Variants in MTMR14 observed in about 807,000 individuals in gnomAD.
MTMR14 encodes the protein phosphatidylinositol-3,5-bisphosphate 3-phosphatase MTMR14.
A neutral mutation model predicts 86.3 loss-of-function variants in MTMR14; 48 were observed. The ratio of observed to expected loss-of-function variants is 0.56; its 90% CI spans 0.44 to 0.71. The LOEUF (loss-of-function observed/expected upper bound fraction) is 0.71, where lower values mean the gene tolerates loss of function less well. MTMR14 is among the 30% of genes least tolerant of loss of function. The probability of loss-of-function intolerance (pLI) is 0.00; values close to 1 mark genes in which losing one functional copy is unlikely to be tolerated. For synonymous variants in MTMR14, 366 were observed against 326.1 expected (o/e 1.12, Z -1.32); for missense variants, 780 against 834.6 (o/e 0.93, Z 0.81).
chr3:9,668,246 T>C (rs1257857763), intron 3 of MTMR14, among the ~76,000 whole-genome samples: 1 of 152,176 alleles, frequency 6.6e-6, no homozygotes, highest in Non-Finnish European at 1.5e-5. Context: ...AGTAAGCACA[T>C]AGAGGTCAGT....
chr3:9,674,461 C>T (rs1304594192), intron 7 of MTMR14, among the ~76,000 whole-genome samples: 1 of 152,142 alleles, frequency 6.6e-6, no homozygotes, highest in East Asian at 1.9e-4. Context: ...TGGCACATCC[C>T]TCAGTAGAAT....
Position 9,649,738 on chromosome 3 carries a change from C to T in MTMR14, c.155C>T (p.Ser52Phe). 1 of 1,613,200 alleles carries T rather than the reference C, an allele frequency of 6.2e-7. No individual in the cohort carries two copies. Among genetic ancestry groups the T allele is most frequent in the African/African-American group, 1.3e-5 (1 of 74,856 alleles). Residue 52 changes from serine to phenylalanine, a missense_variant, in exon 1 of 19, where the codon TCT (serine) becomes TTT (phenylalanine). Coordinates refer to ENST00000296003, the MANE Select transcript of MTMR14 (RefSeq NM_001077525.3). ...RAKDGSGTGG[S>F]KVERIEKRCL... ...AAGGATGGCAGCGGGACCGGCGGCT[C>T]TAAGGTGAGATTGGAGGTGCGATGA...
rs183397040 is a variant in MTMR14 at position 9,668,695 on chromosome 3, G to A, written c.418-24G>A. On this transcript the variant is annotated intron_variant, in intron 3 of 18. Transcript: ENST00000296003. ...GCATGCTTCAGAAAACCATCTGACC[G>A]TGAAAATGATGTTTCTCTCCCAGCA... 1.2e-3 allele frequency: 1,914 copies of A among 1,613,220 alleles called. 11 individuals are homozygous for A. The Middle Eastern group carries it at 0.021, about 18-fold the overall frequency.
chr3:9,695,639 C>G (rs957802148), intron 17 of MTMR14, among the ~76,000 whole-genome samples: 1 of 152,228 alleles, frequency 6.6e-6, no homozygotes, highest in Non-Finnish European at 1.5e-5. Context: ...CAGTGTTACT[C>G]TTTGGCTCTT....
At chr3:9,652,193 G>A (rs1301815404) in intron 1 of MTMR14, among the ~76,000 whole-genome samples, 1 of 151,938 alleles carries the variant, frequency 6.6e-6, no homozygotes, top group Non-Finnish European at 1.5e-5. Context: ...TCAAGCTCCT[G>A]ATCAGAAGTG....
intron 18 of MTMR14, chr3:9,700,158 G>C (rs1316551344): frequency 6.6e-6 from 1 of 152,142 alleles, no homozygotes; most frequent in Non-Finnish European, 1.5e-5. Flanking sequence ...ACATCCCTCT[G>C]CTCCCACAAG....
chr3:9,669,177 A>G (rs2125114207), intron 4 of MTMR14, among the ~76,000 whole-genome samples: 1 of 151,498 alleles, frequency 6.6e-6, no homozygotes, highest in East Asian at 1.9e-4. Context: ...CATGACCACA[A>G]TAGTATAGGT....
chr3:9,683,073 C>T (rs953462011), intron 9 of MTMR14, 105 bp from the exon 10 acceptor site: 3 of 1,012,572 alleles, frequency 3.0e-6, no homozygotes, highest in Non-Finnish European at 4.5e-6. Flanking sequence ...AACCAAGGAC[C>T]TTGTGTAGTT....
At chr3:9,696,601 C>T (rs2125392335) in intron 17 of MTMR14, among the ~76,000 whole-genome samples, 1 of 152,334 alleles carries the variant, frequency 6.6e-6, no homozygotes, top group Non-Finnish European at 1.5e-5. Context: ...TAAGGATTGC[C>T]AGAGTTGCAG....
intron 5 of MTMR14, among the ~76,000 whole-genome samples, chr3:9,670,038 G>A (rs1294984302): frequency 6.6e-6 from 1 of 152,192 alleles, no homozygotes; most frequent in Non-Finnish European, 1.5e-5. Flanking sequence ...AGGAGGAAAT[G>A]GGCTGGTTCA....
chr3:9,649,878 T>C, intron 1 of MTMR14, 136 bp downstream of exon 1: 1 of 1,531,432 alleles, frequency 6.5e-7, no homozygotes, highest in Non-Finnish European at 8.8e-7. Context: ...AGAGGAGTTC[T>C]CCAGGGTCTG....
Position 9,694,402 on chromosome 3 carries a change from G to A in MTMR14, c.1614-3309G>A, listed in dbSNP as rs531209600. On this transcript the variant is annotated intron_variant, in intron 17 of 18. Coordinates refer to ENST00000296003, the MANE Select transcript of MTMR14 (RefSeq NM_001077525.3). ...TCATGTCTGTAATCCAGCACTTTGG[G>A]AGGCCAAGGTCAGAGAATCGTTTGA... 2.0e-5 allele frequency among the ~76,000 whole-genome samples: 3 copies of A among 152,298 alleles called. No individual in the cohort carries two copies. In the South Asian group the frequency reaches 6.2e-4, roughly 32 times the overall value.
chr3:9,649,598 G>A lies in MTMR14; in HGVS notation c.15G>A (p.Arg5=). 1 of 1,546,124 alleles carries A rather than the reference G, an allele frequency of 6.5e-7. No individual in the cohort carries two copies. The highest frequency in any genetic ancestry group is 1.2e-5 in the South Asian group (1 of 83,958). The change falls in exon 1 of 19, where the codon CGG becomes CGA. Residue 5 remains arginine, a synonymous_variant. Coordinates refer to ENST00000296003, the MANE Select transcript of MTMR14 (RefSeq NM_001077525.3). MAGA[R]AAAAAASAGS... ...GGGGCTGGGCCATGGCCGGCGCTCG[G>A]GCCGCCGCCGCCGCTGCCTCGGCGG...
chr3:9,652,501 C>A (rs139190978), intron 1 of MTMR14, among the ~76,000 whole-genome samples: 15 of 152,238 alleles, frequency 9.9e-5, no homozygotes, highest in Admixed American at 2.6e-4. Context: ...GCGTGTAATC[C>A]TAGCACTTTG....
chr3:9,656,083 T>C (rs2047585331), intron 2 of MTMR14, among the ~76,000 whole-genome samples: 1 of 152,014 alleles, frequency 6.6e-6, no homozygotes, highest in Admixed American at 6.6e-5. Flanking sequence ...TAATCCCAGC[T>C]ACTCGGGAGG....
At chr3:9,700,110 C>G (rs2076406851) in intron 18 of MTMR14, 2 of 152,236 alleles carry the variant, frequency 1.3e-5, no homozygotes, top group African/African-American at 4.8e-5. Context: ...CTGTCTATCT[C>G]CCCCCATACT....
chr3:9,678,052 G>T lies in MTMR14; in HGVS notation c.891G>T (p.Gln297His). 6.2e-7 allele frequency: 1 copy of T among 1,614,056 alleles called. No homozygotes were observed. The highest frequency in any genetic ancestry group is 8.5e-7 in the Non-Finnish European group (1 of 1,180,008). The change falls in exon 9 of 19, where the codon CAG becomes CAT. Residue 297 changes from glutamine (Q) to histidine (H), a missense_variant. Physicochemically the swap from Gln to His is conservative, Grantham distance 24 (BLOSUM62 0). Coordinates refer to ENST00000296003, the MANE Select transcript of MTMR14 (RefSeq NM_001077525.3). ...LTHSLNIDWS[Q>H]YQCWDLVQQT... Reference sequence around the variant, plus strand: ...ACTCTCTGAACATTGACTGGAGCCAGTATCAGGTGAGGGGCCTGACTCAAG... The same window carrying T: ...ACTCTCTGAACATTGACTGGAGCCATTATCAGGTGAGGGGCCTGACTCAAG...
intron 18 of MTMR14, among the ~76,000 whole-genome samples, chr3:9,699,060 T>A (rs1181466318): frequency 6.6e-6 from 1 of 151,478 alleles, no homozygotes; most frequent in East Asian, 1.9e-4. Flanking sequence ...TAATCCCAGC[T>A]ACTCGGGAGG....
chr3:9,673,379 A>C (rs746036984), intron 7 of MTMR14, among the ~76,000 whole-genome samples: 1 of 152,232 alleles, frequency 6.6e-6, no homozygotes, highest in African/African-American at 2.4e-5. Flanking sequence ...ACCTGTGGCC[A>C]GGGCTGTATT....
Sources: gnomAD v4.1 joint callset for allele counts (sites outside exome capture counted in the v4.1 genomes callset) on GRCh38, gnomAD v4.1.1 for gene constraint, MANE v1.5 for transcripts, NCBI Gene and HGNC (gene_info 2026-07-23, HGNC 2026-07-21) for gene names.